The following MGLL variants were observed in gnomAD, a reference collection of about 807,000 sequenced individuals.
The protein encoded by MGLL is lysophospholipase homolog.
MGLL carries 7 observed loss-of-function variants against 29.1 expected under a neutral mutation model. That is an observed-to-expected ratio of 0.24 (90% CI 0.14 to 0.45). The LOEUF is 0.45. MGLL is among the 20% of genes least tolerant of loss of function. The pLI is 0.99. For missense variants in MGLL, 356 were observed against 413.6 expected, an observed-to-expected ratio of 0.86 and a Z score of 1.21; for synonymous variants, 148 against 168.3, an observed-to-expected ratio of 0.88 and a Z score of 0.93.
intron 2 of MGLL, among the ~76,000 whole-genome samples, chr3:127,796,102 C>T (rs1432203521): frequency 2.6e-5 from 4 of 152,200 alleles, no homozygotes; most frequent in African/African-American, 9.7e-5. Context: ...CGCCCCACCA[C>T]TCTCTGCACA....
At chr3:127,752,341 C>T (rs967902962) in intron 3 of MGLL, among the ~76,000 whole-genome samples, 8 of 152,198 alleles carry the variant, frequency 5.3e-5, no homozygotes, top group Non-Finnish European at 1.2e-4. Context: ...TCAAGTGATC[C>T]ACCCACCTCA....
chr3:127,822,191 G>T, intron 1 of MGLL, 118 bp downstream of exon 1: 4 of 1,169,274 alleles, frequency 3.4e-6, no homozygotes, highest in African/African-American at 1.5e-5. Flanking sequence ...AGACCCAGCT[G>T]CAAGAAGACC....
At chr3:127,798,052 A>G (rs2077414406) in intron 2 of MGLL, among the ~76,000 whole-genome samples, 3 of 152,220 alleles carry the variant, frequency 2.0e-5, no homozygotes, top group African/African-American at 7.2e-5. Flanking sequence ...TATATGTATT[A>G]AAAAGTACAA....
rs774114531 is a variant in MGLL at position 127,774,708 on chromosome 3, T to TCAG, written c.262+7078_262+7080dup. ...GTTACACACACTCTCTCAGGGGTCC[T>TCAG]CAGCAGCAGCAGCAGCAGCAGCAGC... On this transcript the variant is annotated intron_variant, in intron 3 of 7. Transcript: ENST00000265052. 1.1e-3 allele frequency among the ~76,000 whole-genome samples: 168 copies of TCAG among 151,944 alleles called. 2 individuals carry two copies. The highest frequency in any genetic ancestry group is 3.3e-3 in the African/African-American group (136 of 41,464).
intron 5 of MGLL, among the ~76,000 whole-genome samples, chr3:127,715,030 C>G (rs1355106207): frequency 6.6e-6 from 1 of 152,218 alleles, no homozygotes; most frequent in Non-Finnish European, 1.5e-5. Context: ...GGGTCAGGAT[C>G]TGTAGCTTCA....
intron 2 of MGLL, 51 bp from the exon 3 acceptor site, chr3:127,781,946 C>T (rs754303684): frequency 2.4e-5 from 37 of 1,563,762 alleles, no homozygotes; most frequent in Non-Finnish European, 2.6e-5. Flanking sequence ...CGGGGCTGGG[C>T]GCGGTGGCTC....
chr3:127,699,731 G>A lies in MGLL; in HGVS notation c.601-4541C>T, dbSNP rs76376658. ...GGCATAGACAGCCAGGAGCTATGCA[G>A]GTGGCAGGGGCACTAGTGCTCTCAG... is the stretch of plus-strand genomic sequence containing the variant. On this transcript the variant is annotated intron_variant, in intron 6 of 7. Transcript: ENST00000265052. 2.9e-3 allele frequency among the ~76,000 whole-genome samples: 438 copies of A among 152,344 alleles called. 13 individuals are homozygous for A. In the East Asian group the frequency reaches 0.069, roughly 24 times the overall value.
At chr3:127,767,534 G>A (rs1250081683) in intron 3 of MGLL, among the ~76,000 whole-genome samples, 1 of 152,204 alleles carries the variant, frequency 6.6e-6, no homozygotes, top group East Asian at 1.9e-4. Flanking sequence ...CTATCCCACA[G>A]TGAAAGCACA....
In MGLL at chr3:127,722,580, G is replaced by A. The variant is rs1404839563; in HGVS notation, c.263-14C>T. On this transcript the variant is annotated splice_polypyrimidine_tract_variant and intron_variant, in intron 3 of 7. Transcript: ENST00000265052. ...GTCCGTGGCCAACTGGAAAGGAACG[G>A]GAGATGAGAGAGAGCTGCAGTTACC... is the stretch of plus-strand genomic sequence containing the variant. 1 of 1,614,232 alleles carries A rather than the reference G, an allele frequency of 6.2e-7. No homozygotes were observed.
intron 5 of MGLL, among the ~76,000 whole-genome samples, chr3:127,717,000 G>A (rs1320577981): frequency 6.6e-6 from 1 of 152,170 alleles, no homozygotes; most frequent in Non-Finnish European, 1.5e-5. Flanking sequence ...GCAAAGATGT[G>A]TGGCAGGAGG....
intron 3 of MGLL, among the ~76,000 whole-genome samples, chr3:127,730,369 G>A (rs2076127019): frequency 6.6e-6 from 1 of 152,116 alleles, no homozygotes; most frequent in African/African-American, 2.4e-5. Context: ...TCCCAGGAAG[G>A]CTTCTACTTG....
At chr3:127,759,692 G>T (rs183574186) in intron 3 of MGLL, among the ~76,000 whole-genome samples, 2 of 152,186 alleles carry the variant, frequency 1.3e-5, no homozygotes, top group East Asian at 3.8e-4. Flanking sequence ...CTTGGTTCTC[G>T]TGTGGACTGG....
chr3:127,750,320 C>G (rs1342972236), intron 3 of MGLL, among the ~76,000 whole-genome samples: 2 of 152,122 alleles, frequency 1.3e-5, no homozygotes, highest in Admixed American at 1.3e-4. Context: ...GAACTGAGAT[C>G]CAGTTTTGCT....
At chr3:127,714,710 C>T (rs1487341850) in intron 5 of MGLL, among the ~76,000 whole-genome samples, 1 of 152,140 alleles carries the variant, frequency 6.6e-6, no homozygotes, top group African/African-American at 2.4e-5. Context: ...TGCTGAAGCC[C>T]TGGGTGCAAG....
At chr3:127,733,871 G>A (rs534856078) in intron 3 of MGLL, among the ~76,000 whole-genome samples, 10 of 152,286 alleles carry the variant, frequency 6.6e-5, no homozygotes, top group East Asian at 1.9e-4. Flanking sequence ...GGCTGGGTGC[G>A]CAGCTGCACC....
At chr3:127,696,050 G>A (rs939002218) in intron 6 of MGLL, among the ~76,000 whole-genome samples, 2 of 152,230 alleles carry the variant, frequency 1.3e-5, no homozygotes, top group African/African-American at 4.8e-5. Flanking sequence ...GGACGCCCAA[G>A]GGTGGGTCTG....
chr3:127,736,285 A>AT, intron 3 of MGLL: 1 of 985,732 alleles, frequency 1.0e-6, no homozygotes, highest in Non-Finnish European at 1.2e-6. Context: ...GAGATACTAT[A>AT]TTTTTTAACA....
chr3:127,763,431 T>C (rs2076800636), intron 3 of MGLL, among the ~76,000 whole-genome samples: 1 of 152,210 alleles, frequency 6.6e-6, no homozygotes, highest in Non-Finnish European at 1.5e-5. Context: ...GTTGCTGTGG[T>C]AGCACGGGCC....
chr3:127,786,271 G>A (rs2077211755), intron 2 of MGLL, among the ~76,000 whole-genome samples: 1 of 152,250 alleles, frequency 6.6e-6, no homozygotes, highest in African/African-American at 2.4e-5. Context: ...GCCCTGAGCA[G>A]GTGCCAAGGA....
Sources: allele counts gnomAD v4.1 joint callset (sites outside exome capture counted in the v4.1 genomes callset), GRCh38; gene constraint gnomAD v4.1.1; transcripts MANE v1.5; gene names NCBI Gene and HGNC (gene_info 2026-07-23, HGNC 2026-07-21).